Variants in FBXW11 observed in about 807,000 individuals in gnomAD.
The protein encoded by FBXW11 is F-box and WD repeat domain containing 11.
FBXW11 carries 19 observed loss-of-function variants against 77.6 expected under a neutral mutation model. That is an observed-to-expected ratio of 0.24 (90% CI 0.17 to 0.36). The LOEUF (loss-of-function observed/expected upper bound fraction) is 0.36, where lower values mean the gene tolerates loss of function less well. FBXW11 is among the 10% of genes least tolerant of loss of function. FBXW11 has a pLI of 1.00. For synonymous variants in FBXW11, 235 were observed against 249.4 expected, an observed-to-expected ratio of 0.94 and a Z score of 0.54; for missense variants, 334 against 704.2, an observed-to-expected ratio of 0.47 and a Z score of 5.95.
intron 3 of FBXW11, 40 bp downstream of exon 3, chr5:171,914,303 T>C (rs1761086601): frequency 6.5e-7 from 1 of 1,539,176 alleles, no homozygotes; most frequent in Admixed American, 1.8e-5. Flanking sequence ...CTATCTACAG[T>C]AAGTCAGTTG....
chr5:171,947,302 T>C (rs1763064425), intron 2 of FBXW11, among the ~76,000 whole-genome samples: 3 of 152,266 alleles, frequency 2.0e-5, no homozygotes, highest in Admixed American at 6.5e-5. Context: ...TGTGTTTTCC[T>C]ATATTTCCCA....
At chr5:171,989,517 A>C (rs1018937804) in intron 1 of FBXW11, among the ~76,000 whole-genome samples, 17 of 152,262 alleles carry the variant, frequency 1.1e-4, no homozygotes, top group African/African-American at 4.1e-4. Context: ...ATTAACTTCC[A>C]GTTTACAGGA....
intron 13 of FBXW11, among the ~76,000 whole-genome samples, chr5:171,865,283 TAA>T (rs776127532): frequency 5.9e-5 from 8 of 134,540 alleles, no homozygotes; most frequent in Admixed American, 1.5e-4. Context: ...AAAGTATAAT[TAA>T]AAAAAAAAAA....
intron 2 of FBXW11, among the ~76,000 whole-genome samples, chr5:171,947,383 T>C (rs949541253): frequency 1.3e-5 from 2 of 152,190 alleles, no homozygotes; most frequent in African/African-American, 4.8e-5. Context: ...TAGAATAATG[T>C]TTTTGCTAGT....
At chr5:171,912,289 A>G (rs1343677479) in intron 3 of FBXW11, among the ~76,000 whole-genome samples, 1 of 152,164 alleles carries the variant, frequency 6.6e-6, no homozygotes, top group Admixed American at 6.5e-5. Context: ...CTTCCCTTGT[A>G]TCTTGGGTGA....
Position 171,872,950 on chromosome 5 carries a change from T to A in FBXW11, c.1262A>T (p.Asn421Ile). 1.2e-6 allele frequency: 2 copies of A among 1,614,096 alleles called. No homozygotes were observed. The highest frequency in any genetic ancestry group is 1.7e-6 in the Non-Finnish European group (2 of 1,179,998). ...TSTCEFVRTL[N>I]GHKRGIACLQ... ...ACAGGCAATGCCCCGCTTGTGCCCA[T>A]TGAGAGTACGAACAAATTCACAGGT... Residue 421 changes from asparagine (N) to isoleucine (I), a missense_variant, in exon 10 of 14, where the codon AAT (asparagine) becomes ATT (isoleucine). Physicochemically the swap from Asn to Ile is moderately radical, Grantham distance 149. Around this residue, in one of 10 missense-constraint regions of FBXW11, gnomAD observed 50 missense variants for 119.6 expected, o/e 0.42. Coordinates refer to ENST00000517395, the MANE Select transcript of FBXW11 (RefSeq NM_001378974.1).
rs770420418 is a variant in FBXW11, at chr5:171,872,970, A to G, written c.1242T>C (p.Cys414=). 55 of 1,613,782 alleles carry G rather than the reference A, an allele frequency of 3.4e-5. 1 individual carries two copies. Among genetic ancestry groups the G allele is most frequent in the Non-Finnish European group, 4.3e-5 (51 of 1,179,914 alleles). The part of the protein sequence containing the change: ...RTIKVWSTST[C]EFVRTLNGHK... ...GCCCATTGAGAGTACGAACAAATTCACAGGTGCTCGTGCTCCAGACCTGTA... is the reference window on the plus strand; with the variant it reads ...GCCCATTGAGAGTACGAACAAATTCGCAGGTGCTCGTGCTCCAGACCTGTA... Residue 414 remains cysteine (C), a synonymous_variant, in exon 10 of 14, where the codon TGT becomes TGC. Coordinates refer to ENST00000517395, the MANE Select transcript of FBXW11 (RefSeq NM_001378974.1).
At chr5:171,961,022 T>C (rs1390927041) in intron 1 of FBXW11, among the ~76,000 whole-genome samples, 1 of 152,228 alleles carries the variant, frequency 6.6e-6, no homozygotes, top group East Asian at 1.9e-4. Flanking sequence ...GCTGACATCA[T>C]GCTAAATACT....
chr5:171,868,869 C>A (rs1250169772), intron 12 of FBXW11, 73 bp from the exon 13 acceptor site: 12 of 1,378,448 alleles, frequency 8.7e-6, no homozygotes, highest in Non-Finnish European at 1.1e-5. Flanking sequence ...AGAAACTGGG[C>A]AGAAGATGAA....
intron 3 of FBXW11, among the ~76,000 whole-genome samples, chr5:171,913,430 A>G (rs1761008435): frequency 6.6e-6 from 1 of 152,208 alleles, no homozygotes; most frequent in Non-Finnish European, 1.5e-5. Flanking sequence ...TCCCACTGCA[A>G]AATAATAAAC....
intron 2 of FBXW11, among the ~76,000 whole-genome samples, chr5:171,919,223 A>G (rs1292451270): frequency 1.3e-5 from 2 of 152,180 alleles, no homozygotes; most frequent in Non-Finnish European, 2.9e-5. Flanking sequence ...ACAGGAAGCC[A>G]TATATATACA....
chr5:171,920,162 C>CA (rs1360593492), intron 2 of FBXW11, among the ~76,000 whole-genome samples: 18 of 150,452 alleles, frequency 1.2e-4, no homozygotes, highest in Non-Finnish European at 2.5e-4. Context: ...GACTCTGTCT[C>CA]AAAAAACAAA....
Position 171,886,396 on chromosome 5 carries a change from G to A in FBXW11, c.852+5071C>T, listed in dbSNP as rs111991534. Among the ~76,000 whole-genome samples the A allele has an allele frequency of 9.9e-3, 1,450 of 147,150 alleles. 24 individuals are homozygous for A. Among genetic ancestry groups the A allele is most frequent in the African/African-American group, 0.034 (1,337 of 39,852 alleles). ...ATGAGAACACCTGGACACAGGAAGG[G>A]GAACATCACACACTGGGGCCTGTTG... On this transcript the variant is annotated intron_variant, in intron 7 of 13. Transcript: ENST00000517395.
At chr5:171,970,059 A>G (rs1320796118) in intron 1 of FBXW11, among the ~76,000 whole-genome samples, 1 of 152,220 alleles carries the variant, frequency 6.6e-6, no homozygotes, top group Non-Finnish European at 1.5e-5. Context: ...AAAGACTTTG[A>G]AAGTCCATCT....
intron 2 of FBXW11, among the ~76,000 whole-genome samples, chr5:171,930,756 A>T (rs1429174160): frequency 1.3e-4 from 8 of 61,612 alleles, no homozygotes; most frequent in African/African-American, 2.2e-4. Flanking sequence ...ATAAAAAATA[A>T]AAAAATAAAA....
At chr5:171,963,238 C>T (rs1462440064) in intron 1 of FBXW11, among the ~76,000 whole-genome samples, 1 of 151,850 alleles carries the variant, frequency 6.6e-6, no homozygotes. Flanking sequence ...CAAATATGAA[C>T]TTAACCCACC....
At chr5:171,919,959 C>A (rs1761489211) in intron 2 of FBXW11, among the ~76,000 whole-genome samples, 1 of 152,052 alleles carries the variant, frequency 6.6e-6, no homozygotes, top group Non-Finnish European at 1.5e-5. Context: ...AGTTCGAGAC[C>A]ATCCTGGCCA....
chr5:171,965,262 A>C (rs540984898), intron 1 of FBXW11, among the ~76,000 whole-genome samples: 1 of 152,338 alleles, frequency 6.6e-6, no homozygotes, highest in East Asian at 1.9e-4. Context: ...AAGATGGCTC[A>C]TGCCTATAAT....
chr5:171,872,799 A>C, intron 10 of FBXW11, 73 bp downstream of exon 10: 1 of 1,074,240 alleles, frequency 9.3e-7, no homozygotes, highest in Admixed American at 1.8e-5. Context: ...TGTTTTGAGC[A>C]TTAGAACTAG....
Sources: gnomAD v4.1 joint callset for allele counts (sites outside exome capture counted in the v4.1 genomes callset) on GRCh38, gnomAD v4.1.1 for gene constraint, gnomAD v4.1.1 regional missense constraint, MANE v1.5 for transcripts, NCBI Gene and HGNC (gene_info 2026-07-23, HGNC 2026-07-21) for gene names.